Variants in SNX9 observed in about 807,000 individuals in gnomAD.
SNX9 encodes the protein sorting nexin-9.
In SNX9, 44 loss-of-function variants were observed where a neutral mutation model predicts 89.4. The ratio of observed to expected loss-of-function variants is 0.49; its 90% confidence interval spans 0.39 to 0.63. The LOEUF is 0.63. Among genes scored for constraint, SNX9 ranks in the 30% least tolerant of loss-of-function variants. SNX9 has a pLI of 0.00. For synonymous variants in SNX9, 236 were observed against 247.8 expected (o/e 0.95, Z 0.45); for missense variants, 578 against 736.1 (o/e 0.79, Z 2.49).
chr6:157,847,119 T>C (rs769561601), intron 1 of SNX9, among the ~76,000 whole-genome samples: 4 of 152,194 alleles, frequency 2.6e-5, no homozygotes, highest in Non-Finnish European at 5.9e-5. Flanking sequence ...GTTTTTGTTT[T>C]TGAGACAGGG....
chr6:157,901,868 T>TA, intron 5 of SNX9, 30 bp from the exon 6 acceptor site: 1 of 1,537,970 alleles, frequency 6.5e-7, no homozygotes, highest in Non-Finnish European at 8.8e-7. Flanking sequence ...TTTTTTTTTT[T>TA]AACTGATGAT....
chr6:157,864,707 G>C (rs1453284347), intron 1 of SNX9, among the ~76,000 whole-genome samples: 1 of 152,192 alleles, frequency 6.6e-6, no homozygotes, highest in East Asian at 1.9e-4. Context: ...CCTCATGGCA[G>C]GAAGGATCCA....
chr6:157,873,758 A>C (rs1782465621), intron 3 of SNX9, among the ~76,000 whole-genome samples: 1 of 152,060 alleles, frequency 6.6e-6, no homozygotes, highest in Admixed American at 6.5e-5. Flanking sequence ...TTAAGTGCAT[A>C]TCTCAGTTCC....
chr6:157,826,468 C>G (rs1413669845), intron 1 of SNX9, among the ~76,000 whole-genome samples: 4 of 149,676 alleles, frequency 2.7e-5, no homozygotes, highest in African/African-American at 7.5e-5. Flanking sequence ...CCACTGCACT[C>G]CAGCCTGGGT....
At position 157,896,125 on chromosome 6, in the gene SNX9, A is replaced by G. The variant is rs1583223294; in HGVS notation, c.301-702A>G. 3.9e-5 allele frequency among the ~76,000 whole-genome samples: 6 copies of G among 152,342 alleles called. No homozygotes were observed. In the East Asian group the frequency reaches 9.6e-4, roughly 24 times the overall value. ...TGTAGGAAGGAGGCTGCCCAGATTC[A>G]TGAATCTCAAGTAAAGGCCAAGTCG... On this transcript the variant is annotated intron_variant, in intron 4 of 17. Transcript: ENST00000392185.
intron 1 of SNX9, among the ~76,000 whole-genome samples, chr6:157,845,580 T>C (rs1172158324): frequency 6.6e-6 from 1 of 152,254 alleles, no homozygotes; most frequent in Non-Finnish European, 1.5e-5. Flanking sequence ...AACTGGTTCA[T>C]GGTAAGTATA....
chr6:157,873,196 C>T lies in SNX9; in HGVS notation c.174+20C>T. On this transcript the variant is annotated intron_variant, in intron 3 of 17. Coordinates refer to ENST00000392185, the MANE Select transcript of SNX9 (RefSeq NM_016224.5). ...GTTGAAGTAAGAGCTTCCTGTCATTCATTCATTAGAGCTCATCTTTGCCAG... is the reference window on the plus strand; with the variant it reads ...GTTGAAGTAAGAGCTTCCTGTCATTTATTCATTAGAGCTCATCTTTGCCAG... The T allele has an allele frequency of 6.4e-7, 1 of 1,557,146 alleles. No homozygotes were observed. Among genetic ancestry groups the T allele is most frequent in the Non-Finnish European group, 8.7e-7 (1 of 1,148,972 alleles).
intron 9 of SNX9, among the ~76,000 whole-genome samples, chr6:157,914,480 T>TTTTTTTTTTTTTTC (rs1562616572): frequency 3.8e-5 from 5 of 133,326 alleles, no homozygotes; most frequent in Admixed American, 7.4e-5. Context: ...TTTTTTTTTT[T>TTTTTTTTTTTTTTC]TTTTTTTTTT....
chr6:157,867,786 A>AT (rs1445573605), intron 2 of SNX9, among the ~76,000 whole-genome samples, 153 bp downstream of exon 2: 1 of 152,156 alleles, frequency 6.6e-6, no homozygotes, highest in Non-Finnish European at 1.5e-5. Context: ...AACCCACATG[A>AT]TTTTTTTCCT....
intron 9 of SNX9, among the ~76,000 whole-genome samples, chr6:157,911,079 C>T (rs1159150029): frequency 1.3e-5 from 2 of 151,950 alleles, no homozygotes; most frequent in East Asian, 3.9e-4. Context: ...CGCCACCGCA[C>T]TCCAGCCCAG....
intron 2 of SNX9, among the ~76,000 whole-genome samples, chr6:157,869,916 T>G (rs1353455416): frequency 2.0e-5 from 3 of 151,832 alleles, no homozygotes; most frequent in Non-Finnish European, 4.4e-5. Context: ...CCTCGCACCC[T>G]CATACACCTC....
At chr6:157,872,089 CTAAT>C (rs1240619101) in intron 2 of SNX9, among the ~76,000 whole-genome samples, 2 of 152,018 alleles carry the variant, frequency 1.3e-5, no homozygotes, top group African/African-American at 4.8e-5. Flanking sequence ...AGATTATTAA[CTAAT>C]TAGGGCATTA....
At chr6:157,834,149 G>GGT (rs1781528311) in intron 1 of SNX9, among the ~76,000 whole-genome samples, 2 of 60,082 alleles carry the variant, frequency 3.3e-5, no homozygotes, top group Non-Finnish European at 6.5e-5. Flanking sequence ...TGTCCACTGT[G>GGT]GTTTTTTTTT....
chr6:157,842,095 C>G (rs572979448), intron 1 of SNX9, among the ~76,000 whole-genome samples: 5 of 152,220 alleles, frequency 3.3e-5, no homozygotes, highest in Admixed American at 1.3e-4. Context: ...AACTGTAATT[C>G]CTGTTATACT....
intron 5 of SNX9, among the ~76,000 whole-genome samples, chr6:157,898,873 G>A (rs1364233216): frequency 6.6e-6 from 1 of 152,230 alleles, no homozygotes; most frequent in Admixed American, 6.5e-5. Context: ...CCTGTCAGCA[G>A]GACCAGGGGT....
intron 4 of SNX9, among the ~76,000 whole-genome samples, chr6:157,891,027 C>CTTTTTTTTTTTTTT (rs67186551): frequency 3.5e-5 from 4 of 114,936 alleles, no homozygotes; most frequent in Admixed American, 1.8e-4. Flanking sequence ...TTTTCTTTCT[C>CTTTTTTTTTTTTTT]TTTTTTTTTT....
At chr6:157,921,766 C>A in intron 10 of SNX9, 105 bp downstream of exon 10, 1 of 1,291,678 alleles carries the variant, frequency 7.7e-7, no homozygotes, top group Non-Finnish European at 1.1e-6. Context: ...AGTTATTTCT[C>A]ACTTCCTCCA....
chr6:157,890,834 C>T (rs1190534483), intron 4 of SNX9, among the ~76,000 whole-genome samples: 4 of 152,022 alleles, frequency 2.6e-5, no homozygotes, highest in Admixed American at 6.6e-5. Flanking sequence ...AAGAGTTAAA[C>T]GAATTTCATA....
intron 9 of SNX9, among the ~76,000 whole-genome samples, chr6:157,913,507 A>T (rs921535664): frequency 1.3e-5 from 2 of 152,056 alleles, no homozygotes; most frequent in African/African-American, 4.8e-5. Flanking sequence ...TTCATTTTTT[A>T]AATTTTATTT....
Sources: allele counts gnomAD v4.1 joint callset (sites outside exome capture counted in the v4.1 genomes callset), GRCh38; gene constraint gnomAD v4.1.1; transcripts MANE v1.5; gene names NCBI Gene and HGNC (gene_info 2026-07-23, HGNC 2026-07-21).